The following PCDHGB1 variants were observed in gnomAD, a reference collection of about 807,000 sequenced individuals.
PCDHGB1 encodes the protein protocadherin gamma subfamily B, 1, also known as protocadherin gamma-B1.
A neutral mutation model predicts 56.6 loss-of-function variants in PCDHGB1; 34 were observed. The ratio of observed to expected loss-of-function variants is 0.60; its 90% confidence interval spans 0.46 to 0.80. PCDHGB1 has a LOEUF of 0.80. Among genes scored for constraint, PCDHGB1 ranks in the 30% least tolerant of loss-of-function variants. The pLI is 0.00. For synonymous variants in PCDHGB1, 561 were observed against 505.9 expected (o/e 1.11, Z -1.46); for missense variants, 1,278 against 1,204.6 (o/e 1.06, Z -0.90).
At chr5:141,395,901 C>G (rs1019647060) in intron 1 of PCDHGB1, 6 of 152,046 alleles carry the variant, frequency 3.9e-5, no homozygotes, top group African/African-American at 1.4e-4. Flanking sequence ...GCTCCATGCC[C>G]ATGGAGACAT....
chr5:141,352,413 A>T lies in PCDHGB1; in HGVS notation c.2153A>T (p.Asp718Val). The change falls in exon 1 of 4, where the codon GAC becomes GTC. Residue 718 changes from aspartate to valine, a missense_variant. Asp to Val is a radical substitution (Grantham distance 152, BLOSUM62 -3). Coordinates refer to ENST00000523390, the MANE Select transcript of PCDHGB1 (RefSeq NM_018922.3). ...ALRLRRSSSL[D>V]TEGCFQTGLC... ...CGCCTGCGACGTTCCTCCAGCCTCG[A>T]CACTGAGGGCTGCTTTCAAACCGGT... 1 of 1,613,962 alleles carries T rather than the reference A, an allele frequency of 6.2e-7. No individual in the cohort carries two copies. Among genetic ancestry groups the T allele is most frequent in the Non-Finnish European group, 8.5e-7 (1 of 1,179,878 alleles).
chr5:141,487,661 C>A lies in PCDHGB1; in HGVS notation c.2410-7146C>A. ...ACAAATGCTTGAGGGTTATTCTGATCCAGGCATATGGCTAGGCCATGTCCT... is the reference window on the plus strand; with the variant it reads ...ACAAATGCTTGAGGGTTATTCTGATACAGGCATATGGCTAGGCCATGTCCT... On this transcript the variant is annotated intron_variant, in intron 1 of 3. Transcript: ENST00000523390. This position sits in a 1 kb window ranked among gnomAD's most constrained non-coding sequence, Gnocchi z 5.0. The A allele has an allele frequency of 6.2e-7, 1 of 1,613,366 alleles. No homozygotes were observed. Among genetic ancestry groups the A allele is most frequent in the Non-Finnish European group, 8.5e-7 (1 of 1,179,646 alleles).
intron 1 of PCDHGB1, chr5:141,364,893 G>T (rs750465493): frequency 1.2e-6 from 2 of 1,613,968 alleles, no homozygotes; most frequent in Admixed American, 3.3e-5. Flanking sequence ...GGAACTGATG[G>T]ACAAAAGTAT....
intron 1 of PCDHGB1, among the ~76,000 whole-genome samples, chr5:141,363,469 T>G (rs892599047): frequency 2.0e-5 from 3 of 152,254 alleles, no homozygotes; most frequent in African/African-American, 4.8e-5. Context: ...TATCTGCTCA[T>G]GCTTTCCTGC....
At chr5:141,454,320 C>G (rs140074578) in intron 1 of PCDHGB1, among the ~76,000 whole-genome samples, 4 of 152,148 alleles carry the variant, frequency 2.6e-5, no homozygotes, top group Admixed American at 2.6e-4. Context: ...ATTGAAACCT[C>G]CAAGAATAAA....
At chr5:141,495,804 T>G (rs894259635) in intron 2 of PCDHGB1, among the ~76,000 whole-genome samples, 1 of 152,168 alleles carries the variant, frequency 6.6e-6, no homozygotes, top group South Asian at 2.1e-4. Flanking sequence ...TTTCACCGTT[T>G]CCTAGCGCCT....
At position 141,487,611 on chromosome 5, in the gene PCDHGB1, T is replaced by C. The variant is rs1215704705; in HGVS notation, c.2410-7196T>C. ...CCACCCTCTGATCTTCTCTATGGGCTAGAGGTGAGACCTTTGCAGGCTCAA... is the reference window on the plus strand; with the variant it reads ...CCACCCTCTGATCTTCTCTATGGGCCAGAGGTGAGACCTTTGCAGGCTCAA... On this transcript the variant is annotated intron_variant, in intron 1 of 3. Transcript: ENST00000523390. This position sits in a 1 kb window ranked among gnomAD's most constrained non-coding sequence, Gnocchi z 5.0. The C allele has an allele frequency of 1.2e-6, 2 of 1,614,206 alleles. No homozygotes were observed. The highest frequency in any genetic ancestry group is 1.7e-6 in the Non-Finnish European group (2 of 1,180,036).
intron 1 of PCDHGB1, chr5:141,362,370 G>A: frequency 6.2e-7 from 1 of 1,614,042 alleles, no homozygotes; most frequent in South Asian, 1.1e-5. Flanking sequence ...ATTACAGTGA[G>A]GGTACATTGC....
intron 1 of PCDHGB1, chr5:141,371,237 C>A (rs957754662): frequency 5.0e-6 from 8 of 1,614,002 alleles, no homozygotes; most frequent in Non-Finnish European, 5.1e-6. Context: ...TCTATGCCTT[C>A]ATCAATATTG....
chr5:141,386,612 T>C (rs2090642858), intron 1 of PCDHGB1, among the ~76,000 whole-genome samples: 1 of 152,012 alleles, frequency 6.6e-6, no homozygotes, highest in South Asian at 2.1e-4. Context: ...TTTTTTGACA[T>C]GGAGTCTCGC....
chr5:141,431,960 T>C lies in PCDHGB1; in HGVS notation c.2410-62847T>C. On this transcript the variant is annotated intron_variant, in intron 1 of 3. Transcript: ENST00000523390. This position sits in a 1 kb window ranked among gnomAD's most constrained non-coding sequence, Gnocchi z 4.8. ...TAAATTAGAAAAATCTTACGGAAAT[T>C]ACTATAGTTTAGTCACAGACATAGT... The C allele has an allele frequency of 3.7e-6, 6 of 1,614,166 alleles. No individual in the cohort carries two copies. Among genetic ancestry groups the C allele is most frequent in the Non-Finnish European group, 5.1e-6 (6 of 1,180,034 alleles).
In PCDHGB1 at chr5:141,351,627, A is replaced by T. The variant is rs931649944; in HGVS notation, c.1367A>T (p.His456Leu). 1 of 1,614,056 alleles carries T rather than the reference A, an allele frequency of 6.2e-7. No individual in the cohort carries two copies. The highest frequency in any genetic ancestry group is 8.5e-7 in the Non-Finnish European group (1 of 1,179,902). The change falls in exon 1 of 4, where the codon CAC (histidine) becomes CTC (leucine). Residue 456 changes from histidine to leucine, a missense_variant. His to Leu is a moderately conservative substitution (Grantham distance 99). Coordinates refer to ENST00000523390, the MANE Select transcript of PCDHGB1 (RefSeq NM_018922.3). ...PVFHQASYVV[H>L]VSENNPPGAS... ...TTCCATCAGGCCTCCTATGTGGTCC[A>T]CGTGTCTGAGAACAACCCACCTGGC...
rs777314784 is a variant in PCDHGB1, at chr5:141,432,669, C to A, written c.2410-62138C>A. On this transcript the variant is annotated intron_variant, in intron 1 of 3. Transcript: ENST00000523390. The surrounding 1 kb of genome is among the most constrained non-coding windows in gnomAD (Gnocchi z 6.0). ...GCGCGAGCCCTGCTGGACAGAGACG[C>A]GCTCAAGCAGAGCCTCGTAGTGGCC... 1 of 1,613,894 alleles carries A rather than the reference C, an allele frequency of 6.2e-7. No homozygotes were observed. Among genetic ancestry groups the A allele is most frequent in the Non-Finnish European group, 8.5e-7 (1 of 1,179,950 alleles).
intron 1 of PCDHGB1, chr5:141,392,171 C>A (rs1182647236): frequency 6.6e-6 from 1 of 152,216 alleles, no homozygotes; most frequent in African/African-American, 2.4e-5. Flanking sequence ...CTGAGTCAGT[C>A]ATCTCCAGTA....
At chr5:141,356,666 A>T in intron 1 of PCDHGB1, 1 of 1,613,844 alleles carries the variant, frequency 6.2e-7, no homozygotes, top group Non-Finnish European at 8.5e-7. Flanking sequence ...CGAATCACTT[A>T]CTCCCTGGCC....
chr5:141,431,476 A>G lies in PCDHGB1; in HGVS notation c.2410-63331A>G, dbSNP rs975772031. 1.9e-6 allele frequency: 3 copies of G among 1,613,864 alleles called. No homozygotes were observed. Among genetic ancestry groups the G allele is most frequent in the Admixed American group, 3.3e-5 (2 of 60,032 alleles). ...TGGTTCTGGATGCGAACGACAACGC[A>G]CCAGCGTTTGCTCAGCCCGAGTACC... On this transcript the variant is annotated intron_variant, in intron 1 of 3. Coordinates refer to ENST00000523390, the MANE Select transcript of PCDHGB1 (RefSeq NM_018922.3). This position sits in a 1 kb window ranked among gnomAD's most constrained non-coding sequence, Gnocchi z 4.8.
intron 1 of PCDHGB1, among the ~76,000 whole-genome samples, chr5:141,407,446 C>T (rs1314408901): frequency 6.7e-6 from 1 of 149,410 alleles, no homozygotes. Context: ...AACCAGAACA[C>T]GAGGCTCACC....
intron 1 of PCDHGB1, among the ~76,000 whole-genome samples, chr5:141,438,828 A>T (rs1364963084): frequency 6.7e-6 from 1 of 149,956 alleles, no homozygotes; most frequent in Non-Finnish European, 1.5e-5. Context: ...TGCCCAGCTA[A>T]TTTTTTAAAA....
intron 1 of PCDHGB1, chr5:141,422,570 A>G: frequency 6.2e-7 from 1 of 1,614,012 alleles, no homozygotes; most frequent in African/African-American, 1.3e-5. Flanking sequence ...GATGACAACG[A>G]TAACCCTCCC....
Sources: allele counts gnomAD v4.1 joint callset (sites outside exome capture counted in the v4.1 genomes callset), GRCh38; gene constraint gnomAD v4.1.1; non-coding constraint Gnocchi (gnomAD v3.1); transcripts MANE v1.5; gene names NCBI Gene and HGNC (gene_info 2026-07-23, HGNC 2026-07-21).